RBM27: variants seen among roughly 807,000 people sequenced by gnomAD.
The protein encoded by RBM27 is RNA binding motif protein 27.
RBM27 carries 22 observed loss-of-function variants against 135.3 expected under a neutral mutation model. That is an observed-to-expected ratio of 0.16 (90% CI 0.12 to 0.23). The LOEUF is 0.23. Ranked by LOEUF, RBM27 falls within the 10% of genes least tolerant of loss-of-function variation. The pLI is 1.00. For synonymous variants in RBM27, 481 were observed against 442.4 expected (o/e 1.09, Z -1.10); for missense variants, 1,009 against 1,281.0 (o/e 0.79, Z 3.24).
intron 19 of RBM27, among the ~76,000 whole-genome samples, chr5:146,280,775 A>G (rs938245701): frequency 6.6e-6 from 1 of 152,238 alleles, no homozygotes; most frequent in African/African-American, 2.4e-5. Flanking sequence ...CAGCTGAGAT[A>G]GAAATAAGGT....
In RBM27 at chr5:146,263,560, C is replaced by G; in HGVS notation, c.2260C>G (p.His754Asp). Residue 754 changes from histidine (H) to aspartate (D), a missense_variant, in exon 14 of 21, where the codon CAT (histidine) becomes GAT (aspartate). His to Asp is a moderately conservative substitution (Grantham distance 81, BLOSUM62 -1). Transcript: ENST00000265271. ...NKVPVKHRLG[H>D]AGGNQSDASH... Reference sequence around the variant, plus strand: ...AGTTCCTGTTAAACATCGTCTTGGACATGCAGGTGGTAACCAGAGTGATGC... The same window carrying G: ...AGTTCCTGTTAAACATCGTCTTGGAGATGCAGGTGGTAACCAGAGTGATGC... The G allele has an allele frequency of 6.2e-7, 1 of 1,614,112 alleles. No homozygotes were observed. The highest frequency in any genetic ancestry group is 1.1e-5 in the South Asian group (1 of 91,074).
chr5:146,271,812 A>G (rs1186344310), intron 19 of RBM27, 138 bp downstream of exon 19: 2 of 675,406 alleles, frequency 3.0e-6, no homozygotes, highest in Non-Finnish European at 4.7e-6. Context: ...CCAAATGCCT[A>G]TTTAATATAT....
chr5:146,250,143 C>T (rs1320457340), intron 8 of RBM27, among the ~76,000 whole-genome samples: 1 of 152,018 alleles, frequency 6.6e-6, no homozygotes, highest in African/African-American at 2.4e-5. Flanking sequence ...CTTTTAAGGA[C>T]ATTTCACCAG....
At chr5:146,218,251 C>G (rs1449949940) in intron 1 of RBM27, among the ~76,000 whole-genome samples, 1 of 152,106 alleles carries the variant, frequency 6.6e-6, no homozygotes, top group African/African-American at 2.4e-5. Context: ...GTTGACAACC[C>G]AAGGATTATG....
intron 1 of RBM27, among the ~76,000 whole-genome samples, chr5:146,213,543 A>G (rs969275937): frequency 2.6e-5 from 4 of 152,226 alleles, no homozygotes; most frequent in African/African-American, 9.6e-5. Flanking sequence ...AATTAGATCC[A>G]TATTCAGAAA....
intron 8 of RBM27, among the ~76,000 whole-genome samples, chr5:146,238,838 A>G (rs529619035): frequency 2.6e-5 from 4 of 152,094 alleles, no homozygotes; most frequent in South Asian, 4.1e-4. Flanking sequence ...ATCATTTACT[A>G]TCTTTGTGAC....
At chr5:146,213,998 G>A (rs983649150) in intron 1 of RBM27, among the ~76,000 whole-genome samples, 2 of 152,142 alleles carry the variant, frequency 1.3e-5, no homozygotes, top group African/African-American at 4.8e-5. Flanking sequence ...TCTTTAAAAG[G>A]TAACTGTTGG....
At chr5:146,228,902 C>T (rs369838865) in intron 3 of RBM27, 44 bp from the exon 4 acceptor site, 112 of 1,534,596 alleles carry the variant, frequency 7.3e-5, no homozygotes, top group African/African-American at 1.8e-4. Flanking sequence ...TGTGAGCCAC[C>T]GTGCCTGGCC....
chr5:146,259,151 A>T (rs1490820844), intron 11 of RBM27, among the ~76,000 whole-genome samples: 1 of 152,216 alleles, frequency 6.6e-6, no homozygotes, highest in Non-Finnish European at 1.5e-5. Context: ...ATAGAAAAGA[A>T]GAAAAAAATG....
chr5:146,264,870 A>G (rs1581222088), intron 14 of RBM27, among the ~76,000 whole-genome samples: 1 of 152,172 alleles, frequency 6.6e-6, no homozygotes, highest in East Asian at 1.9e-4. Flanking sequence ...ACATGTTGAT[A>G]AATAGTATTG....
At position 146,255,103 on chromosome 5, in the gene RBM27, C is replaced by G. The variant is rs182787119; in HGVS notation, c.1594+11C>G. 2 of 1,604,026 alleles carry G rather than the reference C, an allele frequency of 1.2e-6. No individual in the cohort carries two copies. Among genetic ancestry groups the G allele is most frequent in the South Asian group, 2.2e-5 (2 of 89,884 alleles). On this transcript the variant is annotated intron_variant, in intron 10 of 20. Coordinates refer to ENST00000265271, the MANE Select transcript of RBM27 (RefSeq NM_018989.2). ...ATGTAAATCCAAGAGGTGAGAATACCTTGAACTTTTTCTGATGCTAAGTGT... is the reference window on the plus strand; with the variant it reads ...ATGTAAATCCAAGAGGTGAGAATACGTTGAACTTTTTCTGATGCTAAGTGT...
At chr5:146,257,979 G>A (rs1758190425) in intron 10 of RBM27, among the ~76,000 whole-genome samples, 1 of 152,062 alleles carries the variant, frequency 6.6e-6, no homozygotes, top group Non-Finnish European at 1.5e-5. Flanking sequence ...ACCATGTCTG[G>A]CTAATTTTTT....
chr5:146,268,265 G>A (rs1231545013), intron 15 of RBM27, among the ~76,000 whole-genome samples: 1 of 146,164 alleles, frequency 6.8e-6, no homozygotes, highest in Non-Finnish European at 1.5e-5. Flanking sequence ...TTTTTGAGAC[G>A]GAGTTTTGCT....
At chr5:146,209,693 C>T (rs780739938) in intron 1 of RBM27, among the ~76,000 whole-genome samples, 6 of 151,996 alleles carry the variant, frequency 3.9e-5, no homozygotes, top group Admixed American at 2.0e-4. Flanking sequence ...AAACTACCAG[C>T]GTTAAATAAG....
At position 146,229,738 on chromosome 5, in the gene RBM27, A is replaced by G; in HGVS notation, c.417A>G (p.Glu139=). The change falls in exon 5 of 21, where the codon GAA becomes GAG. Residue 139 remains glutamate, a synonymous_variant. Coordinates refer to ENST00000265271, the MANE Select transcript of RBM27 (RefSeq NM_018989.2). ...SERRTREKKR[E]DGKWRDYDRY... is the part of the protein sequence containing the mutation. ...ATAGGACACGTGAGAAAAAAAGAGAAGACGGGAAATGGAGAGACTATGACC... is the reference window on the plus strand; with the variant it reads ...ATAGGACACGTGAGAAAAAAAGAGAGGACGGGAAATGGAGAGACTATGACC... 6.2e-7 allele frequency: 1 copy of G among 1,610,252 alleles called. No homozygotes were observed. The highest frequency in any genetic ancestry group is 8.5e-7 in the Non-Finnish European group (1 of 1,177,338).
At chr5:146,215,480 C>G (rs1404555926) in intron 1 of RBM27, among the ~76,000 whole-genome samples, 1 of 152,196 alleles carries the variant, frequency 6.6e-6, no homozygotes, top group African/African-American at 2.4e-5. Flanking sequence ...TTGAAGGTTC[C>G]TATAACGTCA....
rs774903288 is a variant in RBM27 at position 146,269,556 on chromosome 5, C to T, written c.2663C>T (p.Thr888Ile). The T allele has an allele frequency of 1.3e-6, 2 of 1,559,550 alleles. No individual in the cohort carries two copies. The highest frequency in any genetic ancestry group is 1.7e-4 in the Middle Eastern group (1 of 5,790). Residue 888 changes from threonine (T) to isoleucine (I), a missense_variant, in exon 17 of 21, where the codon ACA (threonine) becomes ATA (isoleucine). Thr to Ile is a moderately conservative substitution (Grantham distance 89). This residue lies in a region of RBM27 where 355 missense variants were observed against 427.3 expected (regional missense o/e 0.83). Transcript: ENST00000265271. ...TTAAAAACATCTTCTGCAGTCTCCA[C>T]ACCATCTAAAGTGAAGACAAAAACG... Reference protein sequence around the residue: ...DELKTSSAVSTPSKVKTKTEA... With the variant: ...DELKTSSAVSIPSKVKTKTEA...
Position 146,251,706 on chromosome 5 carries a change from T to G in RBM27, c.1280-5T>G. 2 of 1,605,026 alleles carry G rather than the reference T, an allele frequency of 1.2e-6. No homozygotes were observed. The highest frequency in any genetic ancestry group is 1.7e-6 in the Non-Finnish European group (2 of 1,171,718). On this transcript the variant is annotated splice_region_variant and splice_polypyrimidine_tract_variant and intron_variant, in intron 8 of 20. Transcript: ENST00000265271. ...CCAGCTGCCCTCCTATTCTTTCCTC[T>G]ATAGGACAGCCCATGTACTCTCGTG...
Position 146,286,197 on chromosome 5 carries a change from CATG to C in RBM27, c.*170_*172del, listed in dbSNP as rs1446825127. The C allele has an allele frequency of 1.9e-6, 1 of 540,472 alleles. No homozygotes were observed. The highest frequency in any genetic ancestry group is 2.0e-5 in the African/African-American group (1 of 51,234). 33.5% of individuals were successfully genotyped at this position (540,472 alleles called of 1,614,324 possible). A position where few individuals can be genotyped will look rare whatever the true frequency, so the allele number is the denominator to read the frequency against. ...TATTTAAACACATCTCATAACTGTA[CATG>C]ATATTAAAGCACCAAAGGCCTAGTG... On this transcript the variant is annotated 3_prime_UTR_variant, in exon 21 of 21. Coordinates refer to ENST00000265271, the MANE Select transcript of RBM27 (RefSeq NM_018989.2).
Sources: allele counts gnomAD v4.1 joint callset (sites outside exome capture counted in the v4.1 genomes callset), GRCh38; gene constraint gnomAD v4.1.1; regional missense constraint gnomAD v4.1.1; transcripts MANE v1.5; gene names NCBI Gene and HGNC (gene_info 2026-07-23, HGNC 2026-07-21).